CNTN5: variants seen among roughly 807,000 people sequenced by gnomAD.
CNTN5 encodes the protein contactin-5.
In CNTN5, 77 loss-of-function variants were observed where a neutral mutation model predicts 129.1. The ratio of observed to expected loss-of-function variants is 0.60; its 90% CI spans 0.50 to 0.72. CNTN5 has a LOEUF of 0.72. CNTN5 is among the 30% of genes least tolerant of loss of function. CNTN5 has a pLI of 0.00. For synonymous variants in CNTN5, 509 were observed against 465.6 expected (o/e 1.09, Z -1.20); for missense variants, 1,478 against 1,328.8 (o/e 1.11, Z -1.75).
chr11:99,542,417 G>A (rs1314484751), intron 2 of CNTN5, among the ~76,000 whole-genome samples: 1 of 152,064 alleles, frequency 6.6e-6, no homozygotes, highest in Non-Finnish European at 1.5e-5. Context: ...AGAACATATG[G>A]TATCTGTCTT....
intron 2 of CNTN5, among the ~76,000 whole-genome samples, chr11:99,524,122 G>A (rs1308036937): frequency 6.6e-6 from 1 of 152,078 alleles, no homozygotes; most frequent in Non-Finnish European, 1.5e-5. Flanking sequence ...TATCTCTTCA[G>A]AAATAGACAA....
At chr11:99,242,892 G>A (rs1023433135) in intron 1 of CNTN5, among the ~76,000 whole-genome samples, 1 of 152,178 alleles carries the variant, frequency 6.6e-6, no homozygotes, top group Admixed American at 6.5e-5. Flanking sequence ...CTATAAGTGG[G>A]CATCTAGGTT....
intron 2 of CNTN5, among the ~76,000 whole-genome samples, chr11:99,396,416 A>T (rs1335311709): frequency 6.6e-6 from 1 of 151,646 alleles, no homozygotes; most frequent in Admixed American, 6.6e-5. Flanking sequence ...TTACAAGCAT[A>T]ATAAAAAATT....
At chr11:99,627,704 G>A (rs593538) in intron 3 of CNTN5, among the ~76,000 whole-genome samples, 92,768 of 151,492 alleles carry the variant, frequency 0.61, 29,277 homozygotes, top group Admixed American at 0.74. Flanking sequence ...AAATGTAGTT[G>A]GAGGCCAGAA....
chr11:99,097,221 A>C (rs1452990342), intron 1 of CNTN5, among the ~76,000 whole-genome samples: 1 of 151,964 alleles, frequency 6.6e-6, no homozygotes, highest in Non-Finnish European at 1.5e-5. Flanking sequence ...CATACAGTCC[A>C]ACAATTTTTT....
rs535160127 is a variant in CNTN5 at position 99,809,361 on chromosome 11, A to G, written c.56-10183A>G. Among the ~76,000 whole-genome samples the G allele has an allele frequency of 5.9e-5, 9 of 152,242 alleles. No homozygotes were observed. The East Asian group carries it at 1.5e-3, about 26-fold the overall frequency. The stretch of plus-strand genomic sequence containing the variant: ...AGGTTTATTTTTTTTCTCTTAGTTT[A>G]TAAGAACTCCTTGAAGGCAAAGATT... On this transcript the variant is annotated intron_variant, in intron 3 of 24. Coordinates refer to ENST00000524871, the MANE Select transcript of CNTN5 (RefSeq NM_014361.4).
chr11:99,097,262 A>C (rs2135337680), intron 1 of CNTN5, among the ~76,000 whole-genome samples: 1 of 152,064 alleles, frequency 6.6e-6, no homozygotes, highest in East Asian at 1.9e-4. Context: ...AATATGTCAA[A>C]GTCATCAACC....
intron 1 of CNTN5, among the ~76,000 whole-genome samples, chr11:99,174,650 G>T (rs924920191): frequency 1.3e-5 from 2 of 152,160 alleles, no homozygotes; most frequent in South Asian, 4.2e-4. Context: ...AAGTCCATTT[G>T]ATATAGTGAA....
At chr11:99,075,685 A>C (rs774184514) in intron 1 of CNTN5, among the ~76,000 whole-genome samples, 9 of 152,116 alleles carry the variant, frequency 5.9e-5, no homozygotes, top group African/African-American at 1.2e-4. Flanking sequence ...TCGACTGACA[A>C]CTCTTAAGGG....
chr11:99,825,885 AT>A (rs1458256612), intron 4 of CNTN5, among the ~76,000 whole-genome samples: 1 of 152,154 alleles, frequency 6.6e-6, no homozygotes. Flanking sequence ...TTAAGAGACA[AT>A]TCAAAAGAAA....
intron 2 of CNTN5, among the ~76,000 whole-genome samples, chr11:99,414,109 C>T (rs1360207673): frequency 6.6e-6 from 1 of 152,168 alleles, no homozygotes; most frequent in African/African-American, 2.4e-5. Context: ...AAAATTCCTG[C>T]CTCTTCCTCC....
intron 8 of CNTN5, among the ~76,000 whole-genome samples, chr11:99,994,303 G>A (rs936813661): frequency 1.4e-5 from 2 of 139,282 alleles, no homozygotes; most frequent in African/African-American, 2.8e-5. Flanking sequence ...AGATTCTGAA[G>A]AGCCTAAAAT....
At chr11:100,027,354 T>C (rs1941476640) in intron 9 of CNTN5, among the ~76,000 whole-genome samples, 1 of 152,234 alleles carries the variant, frequency 6.6e-6, no homozygotes, top group African/African-American at 2.4e-5. Flanking sequence ...ATATTTATGC[T>C]TTTTCAGATA....
intron 2 of CNTN5, among the ~76,000 whole-genome samples, chr11:99,335,992 A>G (rs575873893): frequency 6.1e-4 from 93 of 152,272 alleles, no homozygotes; most frequent in South Asian, 1.0e-3. Context: ...AGAGAATCCT[A>G]CAAGATTCTG....
intron 2 of CNTN5, among the ~76,000 whole-genome samples, chr11:99,479,483 G>C (rs1945507198): frequency 6.6e-6 from 1 of 151,750 alleles, no homozygotes. Flanking sequence ...TGTAAATGCA[G>C]GAAACTAGAT....
At chr11:99,890,889 G>A (rs999044561) in intron 6 of CNTN5, among the ~76,000 whole-genome samples, 23 of 152,134 alleles carry the variant, frequency 1.5e-4, no homozygotes, top group Non-Finnish European at 3.1e-4. Flanking sequence ...CTTTACCTCT[G>A]TGATCTTTCT....
intron 2 of CNTN5, among the ~76,000 whole-genome samples, chr11:99,483,648 T>C (rs1053306055): frequency 6.6e-6 from 1 of 152,088 alleles, no homozygotes; most frequent in Non-Finnish European, 1.5e-5. Flanking sequence ...CATCACCTGA[T>C]GGTCTCCTGA....
chr11:99,919,912 C>A (rs1488472430), intron 7 of CNTN5, among the ~76,000 whole-genome samples: 2 of 151,766 alleles, frequency 1.3e-5, no homozygotes, highest in Non-Finnish European at 2.9e-5. Context: ...CACCTATAAT[C>A]CCAAAGTGCT....
At chr11:99,540,959 A>C (rs1948084490) in intron 2 of CNTN5, among the ~76,000 whole-genome samples, 1 of 152,082 alleles carries the variant, frequency 6.6e-6, no homozygotes, top group African/African-American at 2.4e-5. Context: ...CAGTAATACT[A>C]CGTTAAAAAG....
Sources: gnomAD v4.1 joint callset for allele counts (sites outside exome capture counted in the v4.1 genomes callset) on GRCh38, gnomAD v4.1.1 for gene constraint, MANE v1.5 for transcripts, NCBI Gene and HGNC (gene_info 2026-07-23, HGNC 2026-07-21) for gene names.